CYTH2: variants seen among roughly 807,000 people sequenced by gnomAD.
CYTH2 encodes the protein cytohesin 2.
CYTH2 carries 24 observed loss-of-function variants against 55.4 expected under a neutral mutation model. That is an observed-to-expected ratio of 0.43 (90% CI 0.31 to 0.61). CYTH2 has a LOEUF of 0.61. Among genes scored for constraint, CYTH2 ranks in the 20% least tolerant of loss-of-function variants. The pLI is 0.08. For synonymous variants in CYTH2, 221 were observed against 209.6 expected (o/e 1.05, Z -0.47); for missense variants, 378 against 533.5 (o/e 0.71, Z 2.87).
chr19:48,474,359 C>T lies in CYTH2; in HGVS notation c.696+29C>T. On this transcript the variant is annotated intron_variant, in intron 7 of 11. Transcript: ENST00000452733. This position sits in a 1 kb window ranked among gnomAD's most constrained non-coding sequence, Gnocchi z 4.9. The stretch of plus-strand genomic sequence containing the variant: ...AGTCCCCCTTCCCTGCCCCTCAGCC[C>T]TGCCCCTCTTCCTGCCACAGACACC... 2 of 1,551,294 alleles carry T rather than the reference C, an allele frequency of 1.3e-6. No individual in the cohort carries two copies. Among genetic ancestry groups the T allele is most frequent in the Non-Finnish European group, 1.7e-6 (2 of 1,149,332 alleles).
Position 48,480,742 on chromosome 19 carries a change from T to C in CYTH2, c.*1532T>C, listed in dbSNP as rs140069829. On this transcript the variant is annotated 3_prime_UTR_variant, in exon 12 of 12. Transcript: ENST00000452733. ...GAAAATAGAATTCCCCACTTCTCTTTCCCACAGGTGCCAGGGAAACGGAGT... is the reference window on the plus strand; with the variant it reads ...GAAAATAGAATTCCCCACTTCTCTTCCCCACAGGTGCCAGGGAAACGGAGT... 1.3e-5 allele frequency: 2 copies of C among 152,332 alleles called. No homozygotes were observed. The highest frequency in any genetic ancestry group is 2.4e-5 in the African/African-American group (1 of 41,562). The allele number at this position is 152,332 out of a possible 1,614,324, so 9.4% of individuals were successfully genotyped here.
chr19:48,476,721 C>A (rs999665724), intron 8 of CYTH2: 1 of 152,114 alleles, frequency 6.6e-6, no homozygotes, highest in African/African-American at 2.4e-5. Flanking sequence ...ACTAAAAATA[C>A]AAAAATTAGC....
Position 48,474,344 on chromosome 19 carries a change from C to T in CYTH2, c.696+14C>T. 1 of 1,573,856 alleles carries T rather than the reference C, an allele frequency of 6.4e-7. No homozygotes were observed. Among genetic ancestry groups the T allele is most frequent in the African/African-American group, 1.4e-5 (1 of 74,006 alleles). ...GAGCTGCTCAGGGTCAGTCCCCCTTCCCTGCCCCTCAGCCCTGCCCCTCTT... is the reference window on the plus strand; with the variant it reads ...GAGCTGCTCAGGGTCAGTCCCCCTTTCCTGCCCCTCAGCCCTGCCCCTCTT... On this transcript the variant is annotated intron_variant, in intron 7 of 11. Transcript: ENST00000452733. The surrounding 1 kb of genome is among the most constrained non-coding windows in gnomAD (Gnocchi z 4.9).
Position 48,480,690 on chromosome 19 carries a change from G to T in CYTH2, c.*1480G>T, listed in dbSNP as rs1020290564. On this transcript the variant is annotated 3_prime_UTR_variant, in exon 12 of 12. Transcript: ENST00000452733. ...GGCTTTGACCGCCGCGGCCCCGGGG[G>T]CTGGTGGGAAATGGAGTTCCAAATG... 6.6e-6 allele frequency: 1 copy of T among 152,246 alleles called. No individual in the cohort carries two copies. Among genetic ancestry groups the T allele is most frequent in the African/African-American group, 2.4e-5 (1 of 41,470 alleles). The allele number at this position is 152,246 out of a possible 1,614,324, so 9.4% of individuals were successfully genotyped here.
chr19:48,472,876 A>G, intron 4 of CYTH2: 1 of 317,920 alleles, frequency 3.1e-6, no homozygotes, highest in Non-Finnish European at 6.1e-6. Flanking sequence ...AGGACTGGAC[A>G]TCAGATGATT....
Position 48,474,037 on chromosome 19 carries a change from G to C in CYTH2, c.547+20G>C, listed in dbSNP as rs556212908. On this transcript the variant is annotated intron_variant, in intron 6 of 11. Coordinates refer to ENST00000452733, the MANE Select transcript of CYTH2 (RefSeq NM_004228.7). This position sits in a 1 kb window ranked among gnomAD's most constrained non-coding sequence, Gnocchi z 4.9. The stretch of plus-strand genomic sequence containing the variant: ...CCACAGGTGCGGGCCCCAAATCCTG[G>C]GTCCTGGGAAAGAGGAGACTGGGGC... 12 of 1,589,084 alleles carry C rather than the reference G, an allele frequency of 7.6e-6. No individual in the cohort carries two copies. Among genetic ancestry groups the C allele is most frequent in the African/African-American group, 1.4e-5 (1 of 73,712 alleles).
rs1465922638 is a variant in CYTH2 at position 48,478,074 on chromosome 19, C to T, written c.814C>T (p.Arg272Trp). The change falls in exon 9 of 12, where the codon CGG (arginine) becomes TGG (tryptophan). Residue 272 changes from arginine (R) to tryptophan (W), a missense_variant. By Grantham distance (101) the Arg-to-Trp change is moderately radical. Coordinates refer to ENST00000452733, the MANE Select transcript of CYTH2 (RefSeq NM_004228.7). ...REGWLLKLGG[R>W]VKTWKRRWFI... ...TCCCACCCCTTCCCTTTCAGGGGGC[C>T]GGGTGAAGACGTGGAAGCGGCGCTG... 1 of 1,613,962 alleles carries T rather than the reference C, an allele frequency of 6.2e-7. No individual in the cohort carries two copies. Among genetic ancestry groups the T allele is most frequent in the Non-Finnish European group, 8.5e-7 (1 of 1,179,878 alleles).
chr19:48,477,795 C>T (rs1971948155), intron 8 of CYTH2: 1 of 481,212 alleles, frequency 2.1e-6, no homozygotes. Context: ...GGCGCCCTGG[C>T]CTCCTGCCCA....
rs560570995 is a variant in CYTH2 at position 48,474,459 on chromosome 19, G to A, written c.696+129G>A. 2.5e-4 allele frequency: 246 copies of A among 987,202 alleles called. No individual in the cohort carries two copies. The highest frequency in any genetic ancestry group is 8.2e-5 in the East Asian group (3 of 36,690). 61.2% of individuals were successfully genotyped at this position (987,202 alleles called of 1,614,324 possible). On this transcript the variant is annotated intron_variant, in intron 7 of 11. Transcript: ENST00000452733. This position sits in a 1 kb window ranked among gnomAD's most constrained non-coding sequence, Gnocchi z 4.9. Reference sequence around the variant, plus strand: ...CAAGATGGTGCGATCATGCCAACTCGTGTGTGATCTTTTTCTCTCTCTCTG... The same window carrying A: ...CAAGATGGTGCGATCATGCCAACTCATGTGTGATCTTTTTCTCTCTCTCTG...
At chr19:48,472,108 T>C (rs1489329906) in intron 3 of CYTH2, among the ~76,000 whole-genome samples, 1 of 152,136 alleles carries the variant, frequency 6.6e-6, no homozygotes, top group African/African-American at 2.4e-5. Context: ...CTGTTGTTGG[T>C]GCTGGAATTA....
In CYTH2 at chr19:48,478,571, A is replaced by G; in HGVS notation, c.1091A>G (p.Asp364Gly). 3 of 1,612,500 alleles carry G rather than the reference A, an allele frequency of 1.9e-6. No homozygotes were observed. Among genetic ancestry groups the G allele is most frequent in the Non-Finnish European group, 2.5e-6 (3 of 1,179,216 alleles). Residue 364 changes from aspartate (D) to glycine (G), a missense_variant, in exon 11 of 12, where the codon GAC becomes GGC. Asp to Gly is a moderately conservative substitution (Grantham distance 94, BLOSUM62 -1). Transcript: ENST00000452733. ...RISAPTQEEKDEWIKSIQAAV... is the reference protein window; with the variant it reads ...RISAPTQEEKGEWIKSIQAAV... The stretch of plus-strand genomic sequence containing the variant: ...TCGGCCCCCACGCAGGAGGAGAAGG[A>G]CGAGTGGATCAAGTCCATCCAGTGA...
rs1971873859 is a variant in CYTH2, at chr19:48,474,701, A to C, written c.697-137A>C. ...GCCTCCCTCCACTTCTCTGCCTTTC[A>C]CTTCCCTCTCCTCCCCACTACCCCT... On this transcript the variant is annotated intron_variant, in intron 7 of 11. Coordinates refer to ENST00000452733, the MANE Select transcript of CYTH2 (RefSeq NM_004228.7). The surrounding 1 kb of genome is among the most constrained non-coding windows in gnomAD (Gnocchi z 4.9). The C allele has an allele frequency of 2.8e-6, 2 of 714,336 alleles. No homozygotes were observed. The highest frequency in any genetic ancestry group is 4.7e-6 in the Non-Finnish European group (2 of 421,610). The allele number at this position is 714,336 out of a possible 1,614,324, so 44.2% of individuals were successfully genotyped here. A position where few individuals can be genotyped will look rare whatever the true frequency, so the allele number is the denominator to read the frequency against.
chr19:48,470,267 C>T (rs1177772901), intron 1 of CYTH2, 86 bp from the exon 2 acceptor site: 5 of 1,521,836 alleles, frequency 3.3e-6, no homozygotes, highest in Non-Finnish European at 2.6e-6. Flanking sequence ...TACACATCCT[C>T]TCCCAGCTCT....
chr19:48,473,801 G>A (rs989010238), intron 5 of CYTH2, 104 bp from the exon 6 acceptor site: 14 of 882,590 alleles, frequency 1.6e-5, no homozygotes, highest in Admixed American at 1.1e-4. Context: ...TGCTGAGGCC[G>A]GAAGGTCGGG....
rs372484993 is a variant in CYTH2 at position 48,471,166 on chromosome 19, T to TTG, written c.234+510_234+511dup. Reference sequence around the variant, plus strand: ...GGAAAGGCTTTTGTTCACCTACTCTTTGTGTGTGTGTGTGAGACAGAGTCT... The same window carrying TTG: ...GGAAAGGCTTTTGTTCACCTACTCTTTGTGTGTGTGTGTGTGAGACAGAGTCT... On this transcript the variant is annotated intron_variant, in intron 3 of 11. Coordinates refer to ENST00000452733, the MANE Select transcript of CYTH2 (RefSeq NM_004228.7). 4.8e-4 allele frequency among the ~76,000 whole-genome samples: 72 copies of TTG among 150,652 alleles called. No homozygotes were observed. The East Asian group carries it at 7.0e-3, about 15-fold the overall frequency.
At position 48,481,355 on chromosome 19, in the gene CYTH2, C is replaced by A. The variant is rs1972041222; in HGVS notation, c.*2145C>A. ...TGGAGATGCCTGTGGAACATTCCAGCCAGGCTGCATCACGTCACACTGACC... is the reference window on the plus strand; with the variant it reads ...TGGAGATGCCTGTGGAACATTCCAGACAGGCTGCATCACGTCACACTGACC... On this transcript the variant is annotated 3_prime_UTR_variant, in exon 12 of 12. Coordinates refer to ENST00000452733, the MANE Select transcript of CYTH2 (RefSeq NM_004228.7). 1 of 153,180 alleles carries A rather than the reference C, an allele frequency of 6.5e-6. No homozygotes were observed. Among genetic ancestry groups the A allele is most frequent in the Non-Finnish European group, 1.5e-5 (1 of 68,628 alleles). 9.5% of individuals were successfully genotyped at this position (153,180 alleles called of 1,614,324 possible). A position where few individuals can be genotyped will look rare whatever the true frequency, so the allele number is the denominator to read the frequency against.
chr19:48,469,892 G>C (rs1046836900), intron 1 of CYTH2: 85 of 565,306 alleles, frequency 1.5e-4, no homozygotes, highest in Non-Finnish European at 2.6e-4. Context: ...GGGGGCCTTC[G>C]ATGTCCCGCC....
chr19:48,479,396 A>C lies in CYTH2; in HGVS notation c.*186A>C. Reference sequence around the variant, plus strand: ...AATTATTTAACCACTTGGCCTGCTGACCCCCTCATTTCTTGGGGTTGACAG... The same window carrying C: ...AATTATTTAACCACTTGGCCTGCTGCCCCCCTCATTTCTTGGGGTTGACAG... On this transcript the variant is annotated 3_prime_UTR_variant, in exon 12 of 12. Coordinates refer to ENST00000452733, the MANE Select transcript of CYTH2 (RefSeq NM_004228.7). 50 of 553,358 alleles carry C rather than the reference A, an allele frequency of 9.0e-5. No homozygotes were observed. Among genetic ancestry groups the C allele is most frequent in the South Asian group, 2.9e-4 (11 of 37,986 alleles). 34.3% of individuals were successfully genotyped at this position (553,358 alleles called of 1,614,324 possible). A position where few individuals can be genotyped will look rare whatever the true frequency, so the allele number is the denominator to read the frequency against.
At chr19:48,469,656 G>T in intron 1 of CYTH2, 130 bp downstream of exon 1, 1 of 1,321,358 alleles carries the variant, frequency 7.6e-7, no homozygotes, top group Non-Finnish European at 1.0e-6. Flanking sequence ...TTGTCGCGCC[G>T]CTTTTGTTGG....
Sources: allele counts gnomAD v4.1 joint callset (sites outside exome capture counted in the v4.1 genomes callset), GRCh38; gene constraint gnomAD v4.1.1; non-coding constraint Gnocchi (gnomAD v3.1); transcripts MANE v1.5; gene names NCBI Gene and HGNC (gene_info 2026-07-23, HGNC 2026-07-21).